Variants in RBPMS observed in about 807,000 individuals in gnomAD.
The protein encoded by RBPMS is RNA binding protein, mRNA processing factor.
RBPMS carries 7 observed loss-of-function variants against 26.8 expected under a neutral mutation model. The ratio of observed to expected loss-of-function variants is 0.26; its 90% CI spans 0.15 to 0.49. The LOEUF is 0.49. Among genes scored for constraint, RBPMS ranks in the 20% least tolerant of loss-of-function variants. The pLI is 0.98. For synonymous variants in RBPMS, 96 were observed against 93.3 expected, an observed-to-expected ratio of 1.03 and a Z score of -0.17; for missense variants, 186 against 250.0, an observed-to-expected ratio of 0.74 and a Z score of 1.73.
intron 7 of RBPMS, among the ~76,000 whole-genome samples, chr8:30,561,702 A>G (rs1470388256): frequency 6.6e-6 from 1 of 152,182 alleles, no homozygotes; most frequent in Non-Finnish European, 1.5e-5. Context: ...TCTGTCAGTC[A>G]GATGCTTCAG....
intron 1 of RBPMS, among the ~76,000 whole-genome samples, chr8:30,438,341 T>C (rs1422582448): frequency 2.0e-5 from 3 of 152,180 alleles, no homozygotes; most frequent in African/African-American, 7.2e-5. Flanking sequence ...CCTTCTGTCC[T>C]CCCTGTACAA....
chr8:30,554,900 G>A (rs750833955), intron 6 of RBPMS, among the ~76,000 whole-genome samples: 6 of 152,138 alleles, frequency 3.9e-5, no homozygotes, highest in Admixed American at 2.0e-4. Flanking sequence ...AGGGGATAGC[G>A]CAATGCAAAT....
chr8:30,420,201 C>G (rs995040576), intron 1 of RBPMS, among the ~76,000 whole-genome samples: 23 of 150,636 alleles, frequency 1.5e-4, no homozygotes, highest in African/African-American at 5.2e-4. Flanking sequence ...GCACTTCATT[C>G]TGGGTGATAG....
intron 1 of RBPMS, among the ~76,000 whole-genome samples, chr8:30,467,912 G>A (rs2150804305): frequency 6.6e-6 from 1 of 152,214 alleles, no homozygotes; most frequent in East Asian, 1.9e-4. Context: ...TACATAAAAT[G>A]AAGGTTATCT....
chr8:30,507,576 A>G (rs1821197431), intron 5 of RBPMS, among the ~76,000 whole-genome samples: 1 of 152,222 alleles, frequency 6.6e-6, no homozygotes. Flanking sequence ...TAGTATACCT[A>G]CCTGCCTAAA....
chr8:30,515,354 C>T lies in RBPMS; in HGVS notation c.397+10918C>T, dbSNP rs573736717. On this transcript the variant is annotated intron_variant, in intron 5 of 8. Transcript: ENST00000397323. ...CCATAATCCAAGACATCTTTAATAA[C>T]CACCCCTTAATAAGTGTTGGTGTAA... is the stretch of plus-strand genomic sequence containing the variant. Among the ~76,000 whole-genome samples the T allele has an allele frequency of 3.9e-5, 6 of 152,324 alleles. No homozygotes were observed. In the South Asian group the frequency reaches 1.2e-3, roughly 32 times the overall value.
At chr8:30,541,908 G>A (rs1219837746) in intron 5 of RBPMS, among the ~76,000 whole-genome samples, 2 of 152,322 alleles carry the variant, frequency 1.3e-5, no homozygotes, top group African/African-American at 2.4e-5. Flanking sequence ...ACCCATTTCC[G>A]TCAAAGGAGT....
intron 1 of RBPMS, among the ~76,000 whole-genome samples, chr8:30,431,938 T>C (rs1233989841): frequency 6.6e-6 from 1 of 151,516 alleles, no homozygotes; most frequent in Non-Finnish European, 1.5e-5. Context: ...CTGGGCAACA[T>C]AGGGAGACCC....
intron 6 of RBPMS, among the ~76,000 whole-genome samples, chr8:30,555,228 TAC>T (rs1056104168): frequency 6.6e-6 from 1 of 152,178 alleles, no homozygotes; most frequent in Non-Finnish European, 1.5e-5. Flanking sequence ...GCTGGAGACT[TAC>T]AGTGTTAGCC....
chr8:30,559,218 A>C (rs1316884470), intron 7 of RBPMS, among the ~76,000 whole-genome samples: 6 of 152,252 alleles, frequency 3.9e-5, no homozygotes, highest in Non-Finnish European at 8.8e-5. Context: ...ATAAGCAGTC[A>C]GTGCTAATTT....
intron 7 of RBPMS, 58 bp downstream of exon 7, chr8:30,559,014 T>C (rs1827224569): frequency 3.6e-6 from 5 of 1,402,582 alleles, no homozygotes; most frequent in African/African-American, 1.4e-5. Flanking sequence ...CTGTACATGG[T>C]GGGTGCGCCA....
intron 1 of RBPMS, among the ~76,000 whole-genome samples, chr8:30,465,212 T>C (rs1402384058): frequency 6.6e-6 from 1 of 152,228 alleles, no homozygotes; most frequent in Non-Finnish European, 1.5e-5. Context: ...TTTCCTAATA[T>C]CAAGGTTAAG....
chr8:30,390,824 A>C (rs1415648102), intron 1 of RBPMS, among the ~76,000 whole-genome samples: 1 of 152,194 alleles, frequency 6.6e-6, no homozygotes, highest in Non-Finnish European at 1.5e-5. Flanking sequence ...GCACCAGGTA[A>C]ATCTCCTCTG....
chr8:30,523,174 T>C (rs1823235026), intron 5 of RBPMS, among the ~76,000 whole-genome samples: 5 of 152,022 alleles, frequency 3.3e-5, no homozygotes, highest in South Asian at 4.2e-4. Flanking sequence ...GTCAGGAGTT[T>C]GAGACCAGCC....
chr8:30,522,302 A>G (rs1441508737), intron 5 of RBPMS, among the ~76,000 whole-genome samples: 1 of 151,484 alleles, frequency 6.6e-6, no homozygotes, highest in Admixed American at 6.6e-5. Context: ...AGCCTGGGCA[A>G]CAAGAAAGAA....
Position 30,525,376 on chromosome 8 carries a change from G to A in RBPMS, c.398-19118G>A, listed in dbSNP as rs905552695. On this transcript the variant is annotated intron_variant, in intron 5 of 8. Transcript: ENST00000397323. ...TGACCCTTCTCCTTCCTCCTCCTCC[G>A]CAATAAAAAGAATCTACAGTAATCC... Among the ~76,000 whole-genome samples, 8 of 151,960 alleles carry A rather than the reference G, an allele frequency of 5.3e-5. No individual in the cohort carries two copies. In the East Asian group the frequency reaches 1.3e-3, roughly 26 times the overall value.
chr8:30,498,611 A>G (rs1466899643), intron 4 of RBPMS, among the ~76,000 whole-genome samples: 1 of 152,256 alleles, frequency 6.6e-6, no homozygotes, highest in Non-Finnish European at 1.5e-5. Context: ...CATATTGGCA[A>G]CATACATTTA....
At chr8:30,565,067 G>A (rs965473025) in intron 7 of RBPMS, 4 of 152,094 alleles carry the variant, frequency 2.6e-5, no homozygotes, top group Admixed American at 2.6e-4. Flanking sequence ...CTGTGTGGAG[G>A]GGTCCTGGAG....
At chr8:30,532,297 A>G (rs561954976) in intron 5 of RBPMS, among the ~76,000 whole-genome samples, 1 of 152,208 alleles carries the variant, frequency 6.6e-6, no homozygotes, top group Non-Finnish European at 1.5e-5. Flanking sequence ...AGATCATCTG[A>G]TGAATCAAGG....
Sources: gnomAD v4.1 joint callset for allele counts (sites outside exome capture counted in the v4.1 genomes callset) on GRCh38, gnomAD v4.1.1 for gene constraint, MANE v1.5 for transcripts, NCBI Gene and HGNC (gene_info 2026-07-23, HGNC 2026-07-21) for gene names.